CSMD1: variants seen among roughly 807,000 people sequenced by gnomAD.
The protein encoded by CSMD1 is CUB and Sushi multiple domains 1, also known as CUB and sushi domain-containing protein 1.
Under a neutral mutation model 417.5 loss-of-function variants are expected in CSMD1, and 213 were observed. The observed-to-expected ratio is 0.51, with a 90% CI of 0.46 to 0.57. CSMD1 has a LOEUF of 0.57. Ranked by LOEUF, CSMD1 falls within the 20% of genes least tolerant of loss-of-function variation. The pLI, the probability that CSMD1 is intolerant of heterozygous loss-of-function variation, is 0.00. For synonymous variants in CSMD1, 2,862 were observed against 1,736.8 expected, an observed-to-expected ratio of 1.65 and a Z score of -16.11; for missense variants, 6,923 against 4,529.7, an observed-to-expected ratio of 1.53 and a Z score of -15.17.
intron 12 of CSMD1, among the ~76,000 whole-genome samples, chr8:3,438,567 T>C (rs1444400412): frequency 6.6e-6 from 1 of 152,216 alleles, no homozygotes; most frequent in Non-Finnish European, 1.5e-5. Flanking sequence ...AGTTGGTGCT[T>C]GTATCAATAG....
intron 5 of CSMD1, among the ~76,000 whole-genome samples, chr8:3,808,798 T>G (rs965559690): frequency 1.3e-5 from 2 of 152,170 alleles, no homozygotes; most frequent in African/African-American, 4.8e-5. Flanking sequence ...ATTGGAAAAT[T>G]TCAAGGGGCA....
rs538024647 is a variant in CSMD1 at position 4,661,943 on chromosome 8, T to G, written c.86-24385A>C. Among the ~76,000 whole-genome samples, 47 of 152,312 alleles carry G rather than the reference T, an allele frequency of 3.1e-4. 1 individual carries two copies. Among genetic ancestry groups the G allele is most frequent in the African/African-American group, 1.1e-3 (46 of 41,568 alleles). On this transcript the variant is annotated intron_variant, in intron 1 of 69. Transcript: ENST00000635120. The stretch of plus-strand genomic sequence containing the variant: ...TCTTTTAATAGGATTATATTGACAG[T>G]TTCTACATAGTTACAGAGTTATTAC...
At chr8:4,847,678 T>A (rs995022773) in intron 1 of CSMD1, among the ~76,000 whole-genome samples, 6 of 152,100 alleles carry the variant, frequency 3.9e-5, no homozygotes, top group Non-Finnish European at 8.8e-5. Flanking sequence ...AGCTCTTCAA[T>A]GACTATGATA....
intron 1 of CSMD1, among the ~76,000 whole-genome samples, chr8:4,934,447 G>A (rs1483077553): frequency 6.6e-6 from 1 of 152,098 alleles, no homozygotes; most frequent in Non-Finnish European, 1.5e-5. Context: ...CAAACCTCTA[G>A]CTTGTATTCA....
chr8:4,924,397 T>C (rs1055181603), intron 1 of CSMD1, among the ~76,000 whole-genome samples: 1 of 152,178 alleles, frequency 6.6e-6, no homozygotes, highest in African/African-American at 2.4e-5. Context: ...CTATATGATA[T>C]TTTCAATAAA....
At chr8:3,846,505 G>C (rs11783347) in intron 5 of CSMD1, among the ~76,000 whole-genome samples, 33,000 of 152,074 alleles carry the variant, frequency 0.22, 3,618 homozygotes, top group Non-Finnish European at 0.23. Flanking sequence ...GATAAGCATA[G>C]AAAGTATTTC....
chr8:4,265,539 T>G, intron 3 of CSMD1, among the ~76,000 whole-genome samples: 1 of 105,180 alleles, frequency 9.5e-6, no homozygotes, highest in Non-Finnish European at 2.6e-5. Flanking sequence ...AAATTATTTA[T>G]TTACAAATTC....
intron 54 of CSMD1, among the ~76,000 whole-genome samples, chr8:2,981,102 T>A (rs1245112041): frequency 6.6e-6 from 1 of 152,216 alleles, no homozygotes; most frequent in Non-Finnish European, 1.5e-5. Flanking sequence ...GCTGCAACTA[T>A]GTGCTGGAGG....
At chr8:3,490,874 A>T (rs2406293) in intron 11 of CSMD1, among the ~76,000 whole-genome samples, 81 of 135,982 alleles carry the variant, frequency 6.0e-4, no homozygotes, top group African/African-American at 1.6e-3. Flanking sequence ...AAAAGAAAAA[A>T]ATTTTTTTTT....
At chr8:3,617,209 T>A (rs1802184105) in intron 7 of CSMD1, among the ~76,000 whole-genome samples, 1 of 152,212 alleles carries the variant, frequency 6.6e-6, no homozygotes, top group Admixed American at 6.5e-5. Context: ...TTTACTAACT[T>A]CTATACAAAA....
chr8:4,400,691 T>C (rs1408496472), intron 3 of CSMD1, among the ~76,000 whole-genome samples: 5 of 150,840 alleles, frequency 3.3e-5, no homozygotes, highest in Non-Finnish European at 7.4e-5. Context: ...CTAATTTGCC[T>C]TTTTTTTCAG....
intron 41 of CSMD1, among the ~76,000 whole-genome samples, chr8:3,135,653 C>G (rs897292123): frequency 3.3e-5 from 5 of 149,884 alleles, no homozygotes; most frequent in Non-Finnish European, 5.9e-5. Context: ...ACATTTCTGA[C>G]TCTGTGAACC....
intron 10 of CSMD1, among the ~76,000 whole-genome samples, chr8:3,547,062 G>T (rs1798697777): frequency 6.6e-6 from 1 of 152,130 alleles, no homozygotes; most frequent in South Asian, 2.1e-4. Context: ...TGTTTAGCTG[G>T]AGACCTGACT....
chr8:4,235,264 C>T (rs1464146608), intron 3 of CSMD1, among the ~76,000 whole-genome samples: 1 of 151,984 alleles, frequency 6.6e-6, no homozygotes, highest in Non-Finnish European at 1.5e-5. Context: ...ATTTCGTAGG[C>T]TACATCATAA....
At position 3,188,276 on chromosome 8, in the gene CSMD1, C is replaced by T. The variant is rs1204221846; in HGVS notation, c.5524-311G>A. 4.2e-5 allele frequency among the ~76,000 whole-genome samples: 6 copies of T among 142,316 alleles called. No individual in the cohort carries two copies. In the South Asian group the frequency reaches 1.1e-3, roughly 27 times the overall value. The allele number at this position is 142,316 out of a possible 152,430, so 93.4% of individuals were successfully genotyped here. ...AAAAACAAAACAAACCATGAAAGAA[C>T]AATTTATTTTTCTTTTTCTTTTCCT... On this transcript the variant is annotated intron_variant, in intron 35 of 69. Transcript: ENST00000635120.
chr8:3,989,567 A>C (rs1426897504), intron 5 of CSMD1, among the ~76,000 whole-genome samples: 1 of 152,244 alleles, frequency 6.6e-6, no homozygotes, highest in African/African-American at 2.4e-5. Flanking sequence ...TTTTTCCCCA[A>C]ACAAGAAAGG....
intron 1 of CSMD1, among the ~76,000 whole-genome samples, chr8:4,959,995 C>T (rs1292635276): frequency 6.6e-6 from 1 of 152,174 alleles, no homozygotes; most frequent in African/African-American, 2.4e-5. Flanking sequence ...TATGGTTTCT[C>T]TTTGCTCACT....
At chr8:3,504,744 G>A (rs779578412) in intron 10 of CSMD1, among the ~76,000 whole-genome samples, 3 of 152,090 alleles carry the variant, frequency 2.0e-5, no homozygotes, top group Non-Finnish European at 4.4e-5. Context: ...GTGGTATTTT[G>A]CTTCTCTTAA....
At chr8:4,437,830 A>G (rs1248196173) in intron 2 of CSMD1, among the ~76,000 whole-genome samples, 1 of 152,156 alleles carries the variant, frequency 6.6e-6, no homozygotes, top group Non-Finnish European at 1.5e-5. Context: ...GCTTGTCTGT[A>G]AAACTGTGCA....
Sources: allele counts gnomAD v4.1 joint callset (sites outside exome capture counted in the v4.1 genomes callset), GRCh38; gene constraint gnomAD v4.1.1; transcripts MANE v1.5; gene names NCBI Gene and HGNC (gene_info 2026-07-23, HGNC 2026-07-21).